NEU4: variants seen among roughly 807,000 people sequenced by gnomAD.
NEU4 encodes sialidase-4.
In NEU4, 7 loss-of-function variants were observed where a neutral mutation model predicts 9.9. That is an observed-to-expected ratio of 0.71 (90% CI 0.40 to 1.33). NEU4 has a LOEUF of 1.33. NEU4 is among the 40% of genes most tolerant of loss of function. NEU4 has a pLI of 0.01. For synonymous variants in NEU4, 348 were observed against 316.9 expected, an observed-to-expected ratio of 1.10 and a Z score of -1.04; for missense variants, 717 against 712.6, an observed-to-expected ratio of 1.01 and a Z score of -0.07.
At chr2:241,813,444 T>G in intron 1 of NEU4, 1 of 1,119,952 alleles carries the variant, frequency 8.9e-7, no homozygotes. Flanking sequence ...GCCACCTCCC[T>G]GTGCCGGGCT....
intron 3 of NEU4, 50 bp downstream of exon 3, chr2:241,815,197 C>T: frequency 6.7e-7 from 1 of 1,487,714 alleles, no homozygotes; most frequent in Non-Finnish European, 8.9e-7. Flanking sequence ...CCACGGTCCA[C>T]ATGGAAGGGA....
chr2:241,815,906 G>A (rs779705098), intron 3 of NEU4, 145 bp from the exon 4 acceptor site: 1 of 806,626 alleles, frequency 1.2e-6, no homozygotes, highest in Non-Finnish European at 1.9e-6. Context: ...GGGCGGCTGG[G>A]ATGAGTCGTG....
Position 241,816,010 on chromosome 2 carries a change from G to A in NEU4, c.458-41G>A, listed in dbSNP as rs549509449. The A allele has an allele frequency of 5.5e-4, 836 of 1,527,062 alleles. 9 individuals are homozygous for A. In the South Asian group the frequency reaches 9.5e-3, roughly 17 times the overall value. 94.6% of individuals were successfully genotyped at this position (1,527,062 alleles called of 1,614,324 possible). On this transcript the variant is annotated intron_variant, in intron 3 of 3. Transcript: ENST00000407683. Reference sequence around the variant, plus strand: ...CCTTCCTCCAGCCCCCCGACCTCGGGGACCCAGCAGCCCCTCCCACCTCTG... The same window carrying A: ...CCTTCCTCCAGCCCCCCGACCTCGGAGACCCAGCAGCCCCTCCCACCTCTG...
chr2:241,809,518 A>G, intron 1 of NEU4: 1 of 340,494 alleles, frequency 2.9e-6, no homozygotes, highest in Non-Finnish European at 5.7e-6. Context: ...CGGCTGCCAG[A>G]GCTCACGAAG....
intron 1 of NEU4, chr2:241,811,371 C>T: frequency 6.8e-7 from 1 of 1,476,742 alleles, no homozygotes. Flanking sequence ...AGCTCCCTGG[C>T]CTGCTGCCCG....
chr2:241,815,368 G>T, intron 3 of NEU4: 1 of 602,194 alleles, frequency 1.7e-6, no homozygotes, highest in Non-Finnish European at 2.9e-6. Flanking sequence ...CCTCTCCCCA[G>T]GACTGTTCTG....
chr2:241,814,526 G>C lies in NEU4; in HGVS notation c.42G>C (p.Glu14Asp), dbSNP rs765497836. Residue 14 changes from glutamate (E) to aspartate (D), a missense_variant, in exon 2 of 4, where the codon GAG becomes GAC. Transcript: ENST00000407683. ...PRTPSRTVLF[E>D]RERTGLTYRV... The stretch of plus-strand genomic sequence containing the variant: ...CCCCTTCACGGACAGTGCTCTTCGA[G>C]CGGGAGAGGACGGGCCTGACCTACC... The C allele has an allele frequency of 1.2e-6, 2 of 1,611,166 alleles. No individual in the cohort carries two copies. Among genetic ancestry groups the C allele is most frequent in the East Asian group, 4.5e-5 (2 of 44,870 alleles).
Position 241,814,643 on chromosome 2 carries a change from C to T in NEU4, c.159C>T (p.Arg53=), listed in dbSNP as rs1396335861. The T allele has an allele frequency of 1.3e-6, 2 of 1,586,914 alleles. No individual in the cohort carries two copies. Among genetic ancestry groups the T allele is most frequent in the Admixed American group, 1.8e-5 (1 of 55,614 alleles). Residue 53 remains arginine, a synonymous_variant, in exon 2 of 4, where the codon CGC becomes CGT. Coordinates refer to ENST00000407683, the MANE Select transcript of NEU4 (RefSeq NM_001167600.3). ...GCCCTGACGACTCCCACGCCCACCG[C>T]CTGGTGCTGAGGAGGGGCACGCTGG... ...RLSPDDSHAH[R]LVLRRGTLAG... is the part of the protein sequence containing the mutation.
At position 241,816,261 on chromosome 2, in the gene NEU4, G is replaced by A. The variant is rs1700334456; in HGVS notation, c.668G>A (p.Cys223Tyr). The A allele has an allele frequency of 6.3e-7, 1 of 1,599,772 alleles. No homozygotes were observed. Among genetic ancestry groups the A allele is most frequent in the Non-Finnish European group, 8.5e-7 (1 of 1,174,152 alleles). The change falls in exon 4 of 4, where the codon TGC (cysteine) becomes TAC (tyrosine). Residue 223 changes from cysteine (C) to tyrosine (Y), a missense_variant. Transcript: ENST00000407683. ...GTGCCCAACCTGCGCTCAGGCGAGT[G>A]CCAGCTGGCAGCGGTGGACGGTGGG... Reference protein sequence around the residue: ...GLVPNLRSGECQLAAVDGGQA... With the variant: ...GLVPNLRSGEYQLAAVDGGQA...
At chr2:241,815,978 C>T (rs1040588868) in intron 3 of NEU4, 73 bp from the exon 4 acceptor site, 1 of 1,421,242 alleles carries the variant, frequency 7.0e-7, no homozygotes, top group Non-Finnish European at 9.4e-7. Flanking sequence ...TTCCCCGTCC[C>T]CCTGTGCCTT....
At chr2:241,809,486 T>C (rs534802648) in intron 1 of NEU4, 14 of 350,420 alleles carry the variant, frequency 4.0e-5, no homozygotes, top group African/African-American at 3.0e-4. Context: ...TTCCGTGTGA[T>C]GCTGGGGTCA....
rs200744809 is a variant in NEU4 at position 241,816,468 on chromosome 2, G to A, written c.875G>A (p.Arg292Gln). The A allele has an allele frequency of 9.5e-5, 153 of 1,609,514 alleles. No homozygotes were observed. Among genetic ancestry groups the A allele is most frequent in the Non-Finnish European group, 5.5e-5 (65 of 1,179,024 alleles). ...CCAGCCCCCGCCCCCAACAGGCCACGGGATGACAGTTGGTCAGTGGGCCCC... is the reference window on the plus strand; with the variant it reads ...CCAGCCCCCGCCCCCAACAGGCCACAGGATGACAGTTGGTCAGTGGGCCCC... ...GFPAPAPNRP[R>Q]DDSWSVGPGS... Residue 292 changes from arginine to glutamine, a missense_variant, in exon 4 of 4, where the codon CGG becomes CAG. Physicochemically the swap from Arg to Gln is conservative, Grantham distance 43. Coordinates refer to ENST00000407683, the MANE Select transcript of NEU4 (RefSeq NM_001167600.3).
rs998159107 is a variant in NEU4, at chr2:241,816,564, C to T, written c.971C>T (p.Pro324Leu). Residue 324 changes from proline (P) to leucine (L), a missense_variant, in exon 4 of 4, where the codon CCC (proline) becomes CTC (leucine). Transcript: ENST00000407683. Reference sequence around the variant, plus strand: ...CCCCCAGAGGAGGCTGCTGTAGACCCCCGTGGAGGCCAGGTGCCTGGTGGG... The same window carrying T: ...CCCCCAGAGGAGGCTGCTGTAGACCTCCGTGGAGGCCAGGTGCCTGGTGGG... ...HEPPEEAAVD[P>L]RGGQVPGGPF... The T allele has an allele frequency of 5.0e-6, 8 of 1,608,542 alleles. No homozygotes were observed. Among genetic ancestry groups the T allele is most frequent in the South Asian group, 2.2e-5 (2 of 90,592 alleles).
At chr2:241,809,551 G>A (rs972866701) in intron 1 of NEU4, 25 of 333,014 alleles carry the variant, frequency 7.5e-5, no homozygotes, top group Non-Finnish European at 1.2e-4. Flanking sequence ...AGCTTCCCCC[G>A]GGTGGCTTTC....
intron 1 of NEU4, chr2:241,810,382 TG>T (rs1368962803): frequency 2.6e-5 from 4 of 151,656 alleles, no homozygotes; most frequent in African/African-American, 4.9e-5. Context: ...CCCTCCCAGC[TG>T]CCCCCAGTAA....
At chr2:241,813,524 C>T in intron 1 of NEU4, 1 of 1,229,314 alleles carries the variant, frequency 8.1e-7, no homozygotes, top group Non-Finnish European at 1.0e-6. Flanking sequence ...GCAGGTCCCG[C>T]CTGCAACAAG....
Position 241,814,942 on chromosome 2 carries a change from C to T in NEU4, c.252C>T (p.Ser84=). 1 of 1,612,120 alleles carries T rather than the reference C, an allele frequency of 6.2e-7. No homozygotes were observed. Among genetic ancestry groups the T allele is most frequent in the Non-Finnish European group, 8.5e-7 (1 of 1,179,806 alleles). Residue 84 remains serine (S), a synonymous_variant, in exon 3 of 4, where the codon TCC becomes TCT. Coordinates refer to ENST00000407683, the MANE Select transcript of NEU4 (RefSeq NM_001167600.3). The part of the protein sequence containing the change: ...LGTAALAEHR[S]MNPCPVHDAG... ...CAGCAGCCCTGGCGGAGCACCGGTC[C>T]ATGAACCCCTGCCCTGTGCACGATG...
chr2:241,816,742 A>G lies in NEU4; in HGVS notation c.1149A>G (p.Pro383=). ...CCACGTGGCTGCTGTACTCCCACCC[A>G]GTGGGGCGCAGGGCTCGGCTACACA... ...QSPTWLLYSH[P]VGRRARLHMG... is the part of the protein sequence containing the mutation. The change falls in exon 4 of 4, where the codon CCA becomes CCG. Residue 383 remains proline, a synonymous_variant. Coordinates refer to ENST00000407683, the MANE Select transcript of NEU4 (RefSeq NM_001167600.3). The G allele has an allele frequency of 6.4e-7, 1 of 1,567,574 alleles. No individual in the cohort carries two copies. Among genetic ancestry groups the G allele is most frequent in the South Asian group, 1.2e-5 (1 of 85,964 alleles).
chr2:241,815,017 G>A lies in NEU4; in HGVS notation c.327G>A (p.Thr109=), dbSNP rs538893357. The A allele has an allele frequency of 3.4e-5, 55 of 1,603,752 alleles. No individual in the cohort carries two copies. Among genetic ancestry groups the A allele is most frequent in the Middle Eastern group, 1.7e-4 (1 of 6,056 alleles). The part of the protein sequence containing the change: ...FLFFIAVLGH[T]PEAVQIATGR... ...TCTTCATCGCGGTGCTGGGCCACAC[G>A]CCTGAGGCCGTGCAGATCGCCACGG... Residue 109 remains threonine (T), a synonymous_variant, in exon 3 of 4, where the codon ACG becomes ACA. Coordinates refer to ENST00000407683, the MANE Select transcript of NEU4 (RefSeq NM_001167600.3).
Sources: gnomAD v4.1 joint callset for allele counts on GRCh38, gnomAD v4.1.1 for gene constraint, MANE v1.5 for transcripts, NCBI Gene and HGNC (gene_info 2026-07-23, HGNC 2026-07-21) for gene names.